Variants in NEO1 observed in about 807,000 individuals in gnomAD.
The protein encoded by NEO1 is neogenin.
In NEO1, 63 loss-of-function variants were observed where a neutral mutation model predicts 159.7. The observed-to-expected ratio is 0.39, with a 90% CI of 0.32 to 0.49. NEO1 has a LOEUF of 0.49. NEO1 is among the 20% of genes least tolerant of loss of function. The pLI is 0.85. For missense variants in NEO1, 1,615 were observed against 1,831.0 expected (o/e 0.88, Z 2.15); for synonymous variants, 633 against 662.0 (o/e 0.96, Z 0.67).
At chr15:73,155,432 G>A (rs117476105) in intron 5 of NEO1, among the ~76,000 whole-genome samples, 2,068 of 152,056 alleles carry the variant, frequency 0.014, 19 homozygotes, top group South Asian at 0.017. Context: ...AATATGCTGT[G>A]GTGCATATTC....
chr15:73,189,634 G>T (rs560911583), intron 7 of NEO1, among the ~76,000 whole-genome samples: 2 of 152,330 alleles, frequency 1.3e-5, no homozygotes, highest in East Asian at 3.9e-4. Context: ...GAAGTGTGTG[G>T]CTATATATAC....
In NEO1 at chr15:73,136,266, T is replaced by C. The variant is rs184501890; in HGVS notation, c.1015+239T>C. ...AGCTGTAAAATGGAAATAATAAGAA[T>C]ATTTACCTTATTGGGATGATTTGAG... On this transcript the variant is annotated intron_variant, in intron 5 of 28. Transcript: ENST00000261908. Among the ~76,000 whole-genome samples, 10 of 152,272 alleles carry C rather than the reference T, an allele frequency of 6.6e-5. No homozygotes were observed. The East Asian group carries it at 1.7e-3, about 26-fold the overall frequency.
chr15:73,209,008 G>A (rs1194700683), intron 7 of NEO1, among the ~76,000 whole-genome samples: 3 of 152,206 alleles, frequency 2.0e-5, no homozygotes, highest in African/African-American at 7.2e-5. Context: ...GAGAGCAGAT[G>A]TTTATAAACT....
chr15:73,261,183 A>C (rs1318078137), intron 15 of NEO1, among the ~76,000 whole-genome samples: 1 of 151,940 alleles, frequency 6.6e-6, no homozygotes, highest in Non-Finnish European at 1.5e-5. Flanking sequence ...CTCATCTAGT[A>C]TTTCACTAGC....
intron 5 of NEO1, among the ~76,000 whole-genome samples, chr15:73,140,199 A>C (rs1014573690): frequency 2.6e-5 from 4 of 152,208 alleles, no homozygotes; most frequent in Admixed American, 1.3e-4. Flanking sequence ...ACTCTAATGT[A>C]CTGTTGACAG....
rs187484997 is a variant in NEO1, at chr15:73,153,819, G to A, written c.1015+17792G>A. Among the ~76,000 whole-genome samples, 213 of 152,282 alleles carry A rather than the reference G, an allele frequency of 1.4e-3. 1 individual carries two copies. Among genetic ancestry groups the A allele is most frequent in the African/African-American group, 4.7e-3 (194 of 41,572 alleles). ...GTAGAGGTATTGTTATTAGTCCACT[G>A]ACTGATAAAGCTTCTGAAAGCCTCC... On this transcript the variant is annotated intron_variant, in intron 5 of 28. Transcript: ENST00000261908.
intron 7 of NEO1, among the ~76,000 whole-genome samples, chr15:73,234,935 T>C (rs1362888156): frequency 6.6e-6 from 1 of 152,158 alleles, no homozygotes; most frequent in Non-Finnish European, 1.5e-5. Context: ...TCTCTACATA[T>C]AAGTTAGAGA....
chr15:73,230,536 C>T (rs2038849667), intron 7 of NEO1, among the ~76,000 whole-genome samples: 1 of 152,164 alleles, frequency 6.6e-6, no homozygotes, highest in Admixed American at 6.5e-5. Context: ...TCCCTTAAAG[C>T]ACCACTCTAG....
At chr15:73,096,935 G>T (rs1426242105) in intron 1 of NEO1, among the ~76,000 whole-genome samples, 1 of 152,034 alleles carries the variant, frequency 6.6e-6, no homozygotes, top group African/African-American at 2.4e-5. Flanking sequence ...GACTAACCTG[G>T]GCAACATGGT....
chr15:73,250,387 A>G (rs1286995296), intron 11 of NEO1, among the ~76,000 whole-genome samples: 1 of 152,150 alleles, frequency 6.6e-6, no homozygotes, highest in Non-Finnish European at 1.5e-5. Flanking sequence ...TTTTAGAAAA[A>G]TGTCTTTTTA....
intron 21 of NEO1, among the ~76,000 whole-genome samples, chr15:73,277,049 C>A (rs544318352): frequency 6.6e-6 from 1 of 152,218 alleles, no homozygotes; most frequent in South Asian, 2.1e-4. Context: ...GAAGTGGATA[C>A]CATTATTATC....
chr15:73,091,886 C>T (rs1255794925), intron 1 of NEO1, among the ~76,000 whole-genome samples: 1 of 151,940 alleles, frequency 6.6e-6, no homozygotes, highest in Non-Finnish European at 1.5e-5. Context: ...CTCAGCCTCC[C>T]AAAGTGCTGG....
At chr15:73,167,074 A>G (rs1401475965) in intron 5 of NEO1, among the ~76,000 whole-genome samples, 4 of 144,520 alleles carry the variant, frequency 2.8e-5, no homozygotes, top group Non-Finnish European at 6.0e-5. Flanking sequence ...GAATTGAACA[A>G]TGAGAACACT....
chr15:73,168,898 A>T (rs191307308), intron 5 of NEO1, among the ~76,000 whole-genome samples: 6 of 151,146 alleles, frequency 4.0e-5, no homozygotes, highest in African/African-American at 1.2e-4. Flanking sequence ...TTTTTTTTTT[A>T]AACGGCATAG....
intron 7 of NEO1, among the ~76,000 whole-genome samples, chr15:73,218,523 C>T (rs2038039379): frequency 6.6e-6 from 1 of 152,010 alleles, no homozygotes; most frequent in Admixed American, 6.5e-5. Context: ...CCTTGTACCT[C>T]TGGTAGAATT....
chr15:73,068,056 A>G (rs1271652123), intron 1 of NEO1, among the ~76,000 whole-genome samples: 4 of 152,194 alleles, frequency 2.6e-5, no homozygotes, highest in African/African-American at 9.7e-5. Flanking sequence ...AGAATGATCT[A>G]CATTCCTATA....
intron 5 of NEO1, among the ~76,000 whole-genome samples, chr15:73,165,839 G>C (rs1469129691): frequency 6.6e-6 from 1 of 152,182 alleles, no homozygotes; most frequent in African/African-American, 2.4e-5. Flanking sequence ...GAGAATTTCT[G>C]ATAGCTCTAC....
At chr15:73,164,331 A>AG (rs2034421929) in intron 5 of NEO1, among the ~76,000 whole-genome samples, 1 of 150,924 alleles carries the variant, frequency 6.6e-6, no homozygotes, top group Non-Finnish European at 1.5e-5. Flanking sequence ...CTCCTGTCTC[A>AG]GCCTTCCAAG....
intron 3 of NEO1, among the ~76,000 whole-genome samples, chr15:73,126,094 A>C (rs144219497): frequency 6.6e-6 from 1 of 152,376 alleles, no homozygotes; most frequent in African/African-American, 2.4e-5. Flanking sequence ...AATGCTTTGC[A>C]CATAGAATTT....
Sources: gnomAD v4.1 joint callset for allele counts (sites outside exome capture counted in the v4.1 genomes callset) on GRCh38, gnomAD v4.1.1 for gene constraint, MANE v1.5 for transcripts, NCBI Gene and HGNC (gene_info 2026-07-23, HGNC 2026-07-21) for gene names.